HSD11B1: variants seen among roughly 807,000 people sequenced by gnomAD.
HSD11B1 encodes the protein hydroxysteroid 11-beta dehydrogenase 1, also known as 11-beta-hydroxysteroid dehydrogenase 1.
A neutral mutation model predicts 22.1 loss-of-function variants in HSD11B1; 15 were observed. That is an observed-to-expected ratio of 0.68 (90% CI 0.45 to 1.04). The LOEUF (loss-of-function observed/expected upper bound fraction) is 1.04. HSD11B1 is among the 50% of genes least tolerant of loss of function. The pLI, the probability that HSD11B1 is intolerant of heterozygous loss-of-function variation, is 0.00. For synonymous variants in HSD11B1, 122 were observed against 125.2 expected (o/e 0.97, Z 0.17); for missense variants, 281 against 357.6 (o/e 0.79, Z 1.73).
intron 5 of HSD11B1, among the ~76,000 whole-genome samples, chr1:209,733,518 T>C (rs918630303): frequency 6.6e-6 from 1 of 152,180 alleles, no homozygotes; most frequent in Non-Finnish European, 1.5e-5. Flanking sequence ...GTTTAGTTAA[T>C]ATATTGTATC....
At chr1:209,694,568 G>A (rs1477036607) in intron 1 of HSD11B1, among the ~76,000 whole-genome samples, 2 of 152,180 alleles carry the variant, frequency 1.3e-5, no homozygotes, top group Non-Finnish European at 2.9e-5. Flanking sequence ...TGAAGAACTT[G>A]TAAAGCTGTA....
chr1:209,706,053 C>G lies in HSD11B1; in HGVS notation c.219+112C>G, dbSNP rs2076856998. On this transcript the variant is annotated intron_variant, in intron 2 of 5. Coordinates refer to ENST00000367027, the MANE Select transcript of HSD11B1 (RefSeq NM_005525.4). The surrounding 1 kb of genome is among the most constrained non-coding windows in gnomAD (Gnocchi z 4.0). The stretch of plus-strand genomic sequence containing the variant: ...TATCGCAGATCTATATACAGAGGCA[C>G]ATGCACACACACAGACACTTAATTT... The G allele has an allele frequency of 7.4e-7, 1 of 1,353,420 alleles. No homozygotes were observed. The highest frequency in any genetic ancestry group is 1.8e-5 in the Admixed American group (1 of 56,816). 83.8% of individuals were successfully genotyped at this position (1,353,420 alleles called of 1,614,324 possible). A position where few individuals can be genotyped will look rare whatever the true frequency, so the allele number is the denominator to read the frequency against.
chr1:209,697,952 A>G (rs1217907404), intron 1 of HSD11B1, among the ~76,000 whole-genome samples: 1 of 116,136 alleles, frequency 8.6e-6, no homozygotes, highest in Non-Finnish European at 1.6e-5. Context: ...AGCTGATCTC[A>G]AACTCCTAGC....
intron 4 of HSD11B1, among the ~76,000 whole-genome samples, chr1:209,730,888 C>G (rs2077031506): frequency 6.6e-6 from 1 of 152,274 alleles, no homozygotes; most frequent in African/African-American, 2.4e-5. Flanking sequence ...TCGACGACAA[C>G]CATTGAAAGC....
chr1:209,710,166 G>T (rs567188177), intron 4 of HSD11B1, among the ~76,000 whole-genome samples: 13 of 152,294 alleles, frequency 8.5e-5, no homozygotes, highest in African/African-American at 3.1e-4. Context: ...AGTGGGCAGA[G>T]AACATTTGAA....
chr1:209,724,908 C>T (rs988886551), intron 4 of HSD11B1, among the ~76,000 whole-genome samples: 2 of 151,940 alleles, frequency 1.3e-5, no homozygotes, highest in African/African-American at 4.8e-5. Context: ...CTTTAGTGGG[C>T]CTAGACTGGT....
chr1:209,731,587 G>A (rs1434105743), intron 4 of HSD11B1, among the ~76,000 whole-genome samples: 4 of 152,128 alleles, frequency 2.6e-5, no homozygotes, highest in African/African-American at 9.7e-5. Flanking sequence ...CCTAAAAAGG[G>A]TATTAATAAT....
At chr1:209,699,410 T>TA (rs2076813138) in intron 1 of HSD11B1, among the ~76,000 whole-genome samples, 1 of 151,964 alleles carries the variant, frequency 6.6e-6, no homozygotes. Context: ...ATGGCAGCAG[T>TA]AAGAGTAAAA....
chr1:209,706,935 T>C lies in HSD11B1; in HGVS notation c.332-8T>C. 1 of 1,613,690 alleles carries C rather than the reference T, an allele frequency of 6.2e-7. No homozygotes were observed. Among genetic ancestry groups the C allele is most frequent in the Non-Finnish European group, 8.5e-7 (1 of 1,179,542 alleles). On this transcript the variant is annotated splice_polypyrimidine_tract_variant and splice_region_variant and intron_variant, in intron 3 of 5. Coordinates refer to ENST00000367027, the MANE Select transcript of HSD11B1 (RefSeq NM_005525.4). The surrounding 1 kb of genome is among the most constrained non-coding windows in gnomAD (Gnocchi z 4.0). ...CAGATGATTTCTTAATATAGCCATC[T>C]CTTGCAGGAGGACTAGACATGCTCA...
chr1:209,728,526 T>C (rs2077016975), intron 4 of HSD11B1, among the ~76,000 whole-genome samples: 1 of 152,244 alleles, frequency 6.6e-6, no homozygotes, highest in African/African-American at 2.4e-5. Flanking sequence ...CTCATACTTT[T>C]AATTATTATG....
rs773938487 is a variant in HSD11B1, at chr1:209,706,829, G to A, written c.331+9G>A. ...AGCAGGAAAGCTCATGGGTGAGGCT[G>A]TTTCTCTTACCTCCTCCTCTGAACT... On this transcript the variant is annotated intron_variant, in intron 3 of 5. Transcript: ENST00000367027. The surrounding 1 kb of genome is among the most constrained non-coding windows in gnomAD (Gnocchi z 4.0). The A allele has an allele frequency of 3.1e-6, 5 of 1,612,392 alleles. No homozygotes were observed. Among genetic ancestry groups the A allele is most frequent in the African/African-American group, 1.3e-5 (1 of 74,998 alleles).
At position 209,706,151 on chromosome 1, in the gene HSD11B1, CAT is replaced by C. The variant is rs1491442936; in HGVS notation, c.219+211_219+212del. ...AAAAGTATGCATTTAAGCATTCATT[CAT>C]GTGTGTGTGTGTAATATATTCTGCA... On this transcript the variant is annotated intron_variant, in intron 2 of 5. Coordinates refer to ENST00000367027, the MANE Select transcript of HSD11B1 (RefSeq NM_005525.4). This position sits in a 1 kb window ranked among gnomAD's most constrained non-coding sequence, Gnocchi z 4.0. 1.3e-5 allele frequency among the ~76,000 whole-genome samples: 2 copies of C among 152,140 alleles called. No individual in the cohort carries two copies. The highest frequency in any genetic ancestry group is 1.3e-4 in the Admixed American group (2 of 15,276).
chr1:209,714,204 A>G (rs943059917), intron 4 of HSD11B1, among the ~76,000 whole-genome samples: 1 of 152,252 alleles, frequency 6.6e-6, no homozygotes, highest in Non-Finnish European at 1.5e-5. Flanking sequence ...ACAAACAAAC[A>G]AACAAAAACT....
chr1:209,720,186 G>A (rs1571881668), intron 4 of HSD11B1, among the ~76,000 whole-genome samples: 2 of 152,128 alleles, frequency 1.3e-5, no homozygotes, highest in South Asian at 2.1e-4. Flanking sequence ...TTTTACAGAA[G>A]AGAAACCTGA....
At chr1:209,724,882 A>T (rs948828187) in intron 4 of HSD11B1, among the ~76,000 whole-genome samples, 15 of 152,272 alleles carry the variant, frequency 9.9e-5, no homozygotes, top group South Asian at 2.1e-4. Flanking sequence ...AATTTTTAAT[A>T]TATGTTCCAG....
At chr1:209,712,104 G>A (rs1156709047) in intron 4 of HSD11B1, among the ~76,000 whole-genome samples, 1 of 152,168 alleles carries the variant, frequency 6.6e-6, no homozygotes, top group Admixed American at 6.5e-5. Flanking sequence ...AGGAGTTTGA[G>A]AAGGCTTACA....
intron 4 of HSD11B1, among the ~76,000 whole-genome samples, chr1:209,722,256 T>C (rs935925121): frequency 2.0e-5 from 3 of 152,246 alleles, no homozygotes; most frequent in Non-Finnish European, 4.4e-5. Context: ...TTGTGAAATT[T>C]AGTAAAAGTT....
chr1:209,713,389 G>A (rs1169017894), intron 4 of HSD11B1, among the ~76,000 whole-genome samples: 2 of 152,136 alleles, frequency 1.3e-5, no homozygotes, highest in African/African-American at 4.8e-5. Context: ...TTCATTGTGT[G>A]TGTATGCATG....
upstream of HSD11B1, among the ~76,000 whole-genome samples, chr1:209,702,876 A>G (rs1272021515): frequency 6.6e-6 from 1 of 152,240 alleles, no homozygotes; most frequent in East Asian, 1.9e-4. Context: ...TGCATTTTAT[A>G]TAGCAATTAT....
Sources: gnomAD v4.1 joint callset for allele counts (sites outside exome capture counted in the v4.1 genomes callset) on GRCh38, gnomAD v4.1.1 for gene constraint, Gnocchi (gnomAD v3.1) non-coding constraint, MANE v1.5 for transcripts, NCBI Gene and HGNC (gene_info 2026-07-23, HGNC 2026-07-21) for gene names.